PAPPA2: variants seen among roughly 807,000 people sequenced by gnomAD.
PAPPA2 encodes the protein pappalysin-2.
PAPPA2 carries 86 observed loss-of-function variants against 176.4 expected under a neutral mutation model. The ratio of observed to expected loss-of-function variants is 0.49; its 90% CI spans 0.41 to 0.58. The LOEUF is 0.58. Ranked by LOEUF, PAPPA2 falls within the 20% of genes least tolerant of loss-of-function variation. The pLI is 0.00. For missense variants in PAPPA2, 2,073 were observed against 2,256.9 expected (o/e 0.92, Z 1.65); for synonymous variants, 809 against 852.2 (o/e 0.95, Z 0.88).
intron 3 of PAPPA2, among the ~76,000 whole-genome samples, chr1:176,623,217 G>T (rs2102694496): frequency 6.6e-6 from 1 of 152,222 alleles, no homozygotes; most frequent in South Asian, 2.1e-4. Context: ...GCTGCCCCAA[G>T]AACTTCCATT....
At chr1:176,521,194 T>C (rs1158566309) in intron 1 of PAPPA2, among the ~76,000 whole-genome samples, 4 of 152,192 alleles carry the variant, frequency 2.6e-5, no homozygotes, top group Non-Finnish European at 5.9e-5. Flanking sequence ...ATTTTTTCCA[T>C]TCTTCCCATT....
At chr1:176,777,629 G>A (rs968190177) in intron 17 of PAPPA2, among the ~76,000 whole-genome samples, 22 of 152,018 alleles carry the variant, frequency 1.4e-4, no homozygotes, top group African/African-American at 5.1e-4. Flanking sequence ...TCTCAACTCC[G>A]CTATTTATTA....
chr1:176,793,511 A>T, intron 19 of PAPPA2, 49 bp from the exon 20 acceptor site: 2 of 1,458,940 alleles, frequency 1.4e-6, no homozygotes, highest in Non-Finnish European at 1.9e-6. Context: ...AAGAAAAAGA[A>T]TGAGATCTGG....
chr1:176,819,314 T>TTTGTTG (rs528222425), intron 21 of PAPPA2, among the ~76,000 whole-genome samples: 1 of 152,008 alleles, frequency 6.6e-6, no homozygotes, highest in South Asian at 2.1e-4. Context: ...TATTGACAGT[T>TTTGTTG]TTGTTGTTGT....
rs758958699 is a variant in PAPPA2, at chr1:176,556,281, CA to C, written c.-41del. The C allele has an allele frequency of 6.3e-7, 1 of 1,584,064 alleles. No individual in the cohort carries two copies. The highest frequency in any genetic ancestry group is 1.2e-5 in the South Asian group (1 of 85,840). On this transcript the variant is annotated 5_prime_UTR_variant, in exon 2 of 23. Transcript: ENST00000367662. ...CTGCCCATCACTCTGGTGTGGTACC[CA>C]GAAGTTGACTTCTGGTTCTGTAGAA...
chr1:176,772,860 C>G (rs181599127), intron 17 of PAPPA2, among the ~76,000 whole-genome samples: 1 of 152,228 alleles, frequency 6.6e-6, no homozygotes, highest in East Asian at 1.9e-4. Context: ...CTTTTTTTCT[C>G]TCTAGTCTTG....
chr1:176,503,019 A>C (rs987554218), intron 1 of PAPPA2, among the ~76,000 whole-genome samples: 1 of 152,184 alleles, frequency 6.6e-6, no homozygotes, highest in African/African-American at 2.4e-5. Flanking sequence ...TTAAAATGAC[A>C]CAAATATATT....
intron 1 of PAPPA2, among the ~76,000 whole-genome samples, chr1:176,536,430 A>T (rs1166714135): frequency 6.6e-6 from 1 of 152,206 alleles, no homozygotes; most frequent in Non-Finnish European, 1.5e-5. Flanking sequence ...CATGGTATAG[A>T]TTTATTTAGC....
At chr1:176,588,675 C>T (rs2102640953) in intron 2 of PAPPA2, among the ~76,000 whole-genome samples, 1 of 152,304 alleles carries the variant, frequency 6.6e-6, no homozygotes, top group East Asian at 1.9e-4. Flanking sequence ...TGTGTGCTTG[C>T]TGGGCTATTT....
intron 1 of PAPPA2, among the ~76,000 whole-genome samples, chr1:176,512,214 A>C: frequency 9.5e-6 from 1 of 104,896 alleles, no homozygotes; most frequent in African/African-American, 3.7e-5. Flanking sequence ...TACTAAGACT[A>C]AATTTGCAAA....
intron 14 of PAPPA2, among the ~76,000 whole-genome samples, chr1:176,760,645 A>G (rs1289390998): frequency 6.6e-6 from 1 of 152,190 alleles, no homozygotes; most frequent in Non-Finnish European, 1.5e-5. Flanking sequence ...AAGTACAGTT[A>G]TCATTCACAT....
chr1:176,705,401 T>C (rs910145685), intron 9 of PAPPA2, among the ~76,000 whole-genome samples: 1 of 152,186 alleles, frequency 6.6e-6, no homozygotes, highest in African/African-American at 2.4e-5. Flanking sequence ...TTCATCCTAG[T>C]GAGGCATACT....
intron 4 of PAPPA2, among the ~76,000 whole-genome samples, chr1:176,682,473 C>G (rs1424530133): frequency 6.6e-6 from 1 of 151,944 alleles, no homozygotes; most frequent in South Asian, 2.1e-4. Context: ...TGTTATGGAT[C>G]TTAATATTTA....
At chr1:176,650,856 T>A (rs562516935) in intron 3 of PAPPA2, among the ~76,000 whole-genome samples, 4 of 151,848 alleles carry the variant, frequency 2.6e-5, no homozygotes, top group African/African-American at 9.6e-5. Flanking sequence ...CTTTGTAATT[T>A]TCCTAGATCT....
intron 7 of PAPPA2, among the ~76,000 whole-genome samples, chr1:176,698,035 ATG>A (rs1412484019): frequency 6.6e-6 from 1 of 152,184 alleles, no homozygotes; most frequent in Non-Finnish European, 1.5e-5. Flanking sequence ...AATTAATAAT[ATG>A]TGTTTCTATT....
intron 12 of PAPPA2, among the ~76,000 whole-genome samples, chr1:176,738,576 T>C (rs543522251): frequency 6.6e-5 from 10 of 152,278 alleles, no homozygotes; most frequent in Middle Eastern, 6.8e-3. Flanking sequence ...TCATCACCCT[T>C]AGAACCTGAT....
At chr1:176,740,745 G>C (rs896799386) in intron 14 of PAPPA2, among the ~76,000 whole-genome samples, 1 of 152,162 alleles carries the variant, frequency 6.6e-6, no homozygotes. Context: ...CTCAGCAGCA[G>C]CTATTGGAGG....
At chr1:176,489,546 C>A (rs1484761560) in intron 1 of PAPPA2, among the ~76,000 whole-genome samples, 1 of 152,160 alleles carries the variant, frequency 6.6e-6, no homozygotes, top group Non-Finnish European at 1.5e-5. Flanking sequence ...CAGCAGCTGT[C>A]CATATGTTGG....
At chr1:176,840,472 AG>A (rs1233478539) in intron 22 of PAPPA2, among the ~76,000 whole-genome samples, 4 of 152,184 alleles carry the variant, frequency 2.6e-5, no homozygotes, top group African/African-American at 9.7e-5. Context: ...GTTCTTTGTC[AG>A]TTCAGTGATT....
Sources: allele counts gnomAD v4.1 joint callset (sites outside exome capture counted in the v4.1 genomes callset), GRCh38; gene constraint gnomAD v4.1.1; transcripts MANE v1.5; gene names NCBI Gene and HGNC (gene_info 2026-07-23, HGNC 2026-07-21).